Variants in VAT1L observed in about 807,000 individuals in gnomAD.
The protein encoded by VAT1L is putative NADPH-dependent quinone oxidoreductase VAT1L.
VAT1L carries 34 observed loss-of-function variants against 44.1 expected under a neutral mutation model. That is an observed-to-expected ratio of 0.77 (90% CI 0.59 to 1.03). The LOEUF (loss-of-function observed/expected upper bound fraction) is 1.03, where lower values mean the gene tolerates loss of function less well. Among genes scored for constraint, VAT1L ranks in the 50% least tolerant of loss-of-function variants. VAT1L has a pLI of 0.00. For synonymous variants in VAT1L, 253 were observed against 202.2 expected (o/e 1.25, Z -2.13); for missense variants, 615 against 538.8 (o/e 1.14, Z -1.40).
At chr16:77,924,879 G>A (rs1431901590) in intron 7 of VAT1L, among the ~76,000 whole-genome samples, 1 of 152,180 alleles carries the variant, frequency 6.6e-6, no homozygotes, top group African/African-American at 2.4e-5. Context: ...GCCCTGGGTA[G>A]AGAGATAGCC....
intron 3 of VAT1L, among the ~76,000 whole-genome samples, chr16:77,861,163 AT>A (rs2016910802): frequency 6.6e-6 from 1 of 152,192 alleles, no homozygotes; most frequent in Non-Finnish European, 1.5e-5. Context: ...TGCCAACCTG[AT>A]TTAGTCCGCC....
intron 6 of VAT1L, among the ~76,000 whole-genome samples, chr16:77,880,647 T>C (rs1339185493): frequency 7.2e-6 from 1 of 138,102 alleles, no homozygotes; most frequent in Non-Finnish European, 1.5e-5. Flanking sequence ...AGGAGGTACC[T>C]GTGCAGGTTT....
In VAT1L at chr16:77,788,844, C is replaced by T; in HGVS notation, c.162C>T (p.Asn54=). The T allele has an allele frequency of 6.3e-7, 1 of 1,579,252 alleles. No homozygotes were observed. The highest frequency in any genetic ancestry group is 1.2e-5 in the South Asian group (1 of 85,790). ...TGCTGGCTGGCTTCGGGGGGCTCAA[C>T]AAGCTGCGGCTCTTCAGGAAGGCCA... ...AVVLAGFGGL[N]KLRLFRKAMP... is the part of the protein sequence containing the mutation. Residue 54 remains asparagine, a synonymous_variant, in exon 1 of 9, where the codon AAC becomes AAT. Transcript: ENST00000302536.
chr16:77,864,289 T>C (rs948359391), intron 4 of VAT1L, among the ~76,000 whole-genome samples: 33 of 152,136 alleles, frequency 2.2e-4, no homozygotes, highest in African/African-American at 7.5e-4. Context: ...GTTGTCCAGA[T>C]AGAATCATAA....
In VAT1L at chr16:77,913,371, T is replaced by C. The variant is rs527547670; in HGVS notation, c.1077+28569T>C. ...CTTTTTGTCTCTAATTCTTTCCTTCTATTCTCATTTAAATTTAGTCCAAGC... is the reference window on the plus strand; with the variant it reads ...CTTTTTGTCTCTAATTCTTTCCTTCCATTCTCATTTAAATTTAGTCCAAGC... On this transcript the variant is annotated intron_variant, in intron 7 of 8. Transcript: ENST00000302536. Among the ~76,000 whole-genome samples the C allele has an allele frequency of 9.2e-5, 14 of 152,294 alleles. No individual in the cohort carries two copies. The South Asian group carries it at 2.7e-3, about 29-fold the overall frequency.
chr16:77,956,625 G>A (rs1260731329), intron 7 of VAT1L, among the ~76,000 whole-genome samples: 1 of 152,114 alleles, frequency 6.6e-6, no homozygotes, highest in Non-Finnish European at 1.5e-5. Flanking sequence ...TGGGCATCTG[G>A]TGACTCTCAT....
chr16:77,921,080 T>C (rs976648043), intron 7 of VAT1L, among the ~76,000 whole-genome samples: 9 of 152,186 alleles, frequency 5.9e-5, no homozygotes, highest in Non-Finnish European at 1.0e-4. Context: ...GCCAGTTTCA[T>C]TGCCTCGAAG....
intron 8 of VAT1L, among the ~76,000 whole-genome samples, chr16:77,973,643 A>G (rs391452): frequency 0.37 from 56,374 of 150,834 alleles, 10,851 homozygotes; most frequent in Middle Eastern, 0.42. Flanking sequence ...TCATTTACAT[A>G]CACATTGATT....
intron 7 of VAT1L, among the ~76,000 whole-genome samples, chr16:77,941,265 A>C (rs909623716): frequency 6.6e-6 from 1 of 152,186 alleles, no homozygotes; most frequent in African/African-American, 2.4e-5. Context: ...AGAAATACCC[A>C]GTGGCAGCTT....
At chr16:77,916,471 G>C (rs1029066391) in intron 7 of VAT1L, among the ~76,000 whole-genome samples, 1 of 151,990 alleles carries the variant, frequency 6.6e-6, no homozygotes, top group Non-Finnish European at 1.5e-5. Flanking sequence ...TTTTGTTTTT[G>C]TTTTTAATTT....
intron 7 of VAT1L, among the ~76,000 whole-genome samples, chr16:77,889,576 C>G (rs779835011): frequency 6.6e-5 from 10 of 152,174 alleles, no homozygotes; most frequent in Non-Finnish European, 1.0e-4. Flanking sequence ...GCAGCAGTAA[C>G]ATTGCTGAGC....
intron 7 of VAT1L, among the ~76,000 whole-genome samples, chr16:77,928,783 T>C (rs2017696894): frequency 6.6e-6 from 1 of 151,568 alleles, no homozygotes; most frequent in Non-Finnish European, 1.5e-5. Context: ...ACTGTTGAAG[T>C]CTTCTAAGTC....
chr16:77,858,075 C>T (rs1210147076), intron 3 of VAT1L, among the ~76,000 whole-genome samples: 1 of 152,198 alleles, frequency 6.6e-6, no homozygotes, highest in Admixed American at 6.5e-5. Flanking sequence ...CCAGGTTCTG[C>T]ACTGGGCACA....
chr16:77,910,436 G>T (rs1316983967), intron 7 of VAT1L, among the ~76,000 whole-genome samples: 1 of 152,112 alleles, frequency 6.6e-6, no homozygotes, highest in African/African-American at 2.4e-5. Context: ...ACTTTGGGAG[G>T]CCGAGGCGGG....
At chr16:77,926,602 G>T (rs562469198) in intron 7 of VAT1L, among the ~76,000 whole-genome samples, 202 of 152,206 alleles carry the variant, frequency 1.3e-3, no homozygotes, top group Non-Finnish European at 2.3e-3. Flanking sequence ...AGAAGTAGGG[G>T]TAAGAGCTAA....
At chr16:77,823,996 C>T (rs1265130021) in intron 2 of VAT1L, among the ~76,000 whole-genome samples, 1 of 152,002 alleles carries the variant, frequency 6.6e-6, no homozygotes, top group African/African-American at 2.4e-5. Flanking sequence ...GCACTCCAGC[C>T]TGGGAAACAA....
At chr16:77,940,322 G>T in intron 7 of VAT1L, among the ~76,000 whole-genome samples, 1 of 150,452 alleles carries the variant, frequency 6.6e-6, no homozygotes, top group African/African-American at 2.4e-5. Flanking sequence ...GTACAAGCCA[G>T]GTCTAACATA....
intron 1 of VAT1L, among the ~76,000 whole-genome samples, chr16:77,790,122 C>G (rs936250049): frequency 1.3e-5 from 2 of 152,134 alleles, no homozygotes; most frequent in Admixed American, 6.5e-5. Flanking sequence ...AGGGTCCCCT[C>G]CCGTTCACCA....
At chr16:77,951,148 G>T (rs940596163) in intron 7 of VAT1L, among the ~76,000 whole-genome samples, 1 of 152,192 alleles carries the variant, frequency 6.6e-6, no homozygotes, top group African/African-American at 2.4e-5. Context: ...TTCAAAATCC[G>T]TAAAGTCCAG....
Sources: allele counts gnomAD v4.1 joint callset (sites outside exome capture counted in the v4.1 genomes callset), GRCh38; gene constraint gnomAD v4.1.1; transcripts MANE v1.5; gene names NCBI Gene and HGNC (gene_info 2026-07-23, HGNC 2026-07-21).